Variants in ANKHD1 observed in about 807,000 individuals in gnomAD.
ANKHD1 encodes the protein ankyrin repeat and KH domain-containing protein 1.
In ANKHD1, 31 loss-of-function variants were observed where a neutral mutation model predicts 230.5. The ratio of observed to expected loss-of-function variants is 0.13; its 90% CI spans 0.10 to 0.18. The LOEUF (loss-of-function observed/expected upper bound fraction) is 0.18. ANKHD1 is among the 10% of genes least tolerant of loss of function. The probability of loss-of-function intolerance (pLI) is 1.00; values close to 1 mark genes in which losing one functional copy is unlikely to be tolerated. For missense variants in ANKHD1, 2,256 were observed against 3,071.3 expected, an observed-to-expected ratio of 0.73 and a Z score of 6.27; for synonymous variants, 1,074 against 1,117.6, an observed-to-expected ratio of 0.96 and a Z score of 0.78.
At chr5:140,419,579 C>G (rs1387699715) in intron 1 of ANKHD1, among the ~76,000 whole-genome samples, 1 of 151,086 alleles carries the variant, frequency 6.6e-6, no homozygotes, top group African/African-American at 2.4e-5. Flanking sequence ...CCAACCTCAG[C>G]TTCTGGAATA....
In ANKHD1 at chr5:140,537,527, C is replaced by G. The variant is rs370806841; in HGVS notation, c.7166C>G (p.Thr2389Ser). 2.5e-6 allele frequency: 4 copies of G among 1,612,798 alleles called. No homozygotes were observed. In the African/African-American group the frequency reaches 5.3e-5, roughly 22 times the overall value. The change falls in exon 31 of 34, where the codon ACC (threonine) becomes AGC (serine). Residue 2389 changes from threonine to serine, a missense_variant. By Grantham distance (58) the Thr-to-Ser change is moderately conservative (BLOSUM62 1). This residue lies in a region of ANKHD1 where 778 missense variants were observed against 966.5 expected (regional missense o/e 0.80). Transcript: ENST00000360839. ...GGSVAQAPAG[T>S]SFVAPVGHSG... ...TCTGTTGCACAAGCCCCGGCGGGGA[C>G]CAGTTTTGTCGCTCCCGTTGGACAC...
intron 1 of ANKHD1, among the ~76,000 whole-genome samples, chr5:140,422,514 A>G (rs1422587736): frequency 6.6e-6 from 1 of 152,016 alleles, no homozygotes; most frequent in Non-Finnish European, 1.5e-5. Flanking sequence ...AGATGAAAAA[A>G]TATGTTCCCT....
chr5:140,491,657 C>G (rs919000876), intron 14 of ANKHD1, among the ~76,000 whole-genome samples: 5 of 152,062 alleles, frequency 3.3e-5, no homozygotes, highest in Admixed American at 3.3e-4. Context: ...GACGAATATC[C>G]TGATTGCCTC....
chr5:140,520,929 TAAAA>T (rs370538341), intron 24 of ANKHD1, among the ~76,000 whole-genome samples: 2 of 112,848 alleles, frequency 1.8e-5, no homozygotes, highest in East Asian at 2.4e-4. Flanking sequence ...TAAAGTATAA[TAAAA>T]AAAAAAAAAA....
chr5:140,402,378 T>A, intron 1 of ANKHD1, 105 bp downstream of exon 1: 2 of 1,356,726 alleles, frequency 1.5e-6, no homozygotes, highest in Non-Finnish European at 1.9e-6. Context: ...GGAGCCCTTC[T>A]GTGACAGCGG....
Position 140,526,169 on chromosome 5 carries a change from A to G in ANKHD1, c.4666A>G (p.Thr1556Ala), listed in dbSNP as rs998051824. The G allele has an allele frequency of 1.2e-6, 2 of 1,613,772 alleles. No homozygotes were observed. The highest frequency in any genetic ancestry group is 1.7e-6 in the Non-Finnish European group (2 of 1,179,958). Residue 1556 changes from threonine (T) to alanine (A), a missense_variant, in exon 26 of 34, where the codon ACA becomes GCA. Thr to Ala is a moderately conservative substitution (Grantham distance 58). Around this residue, in one of 13 missense-constraint regions of ANKHD1, gnomAD observed 212 missense variants for 257.3 expected, o/e 0.82. Transcript: ENST00000360839. Reference protein sequence around the residue: ...KKNKTKETPPTAHLILPEQHM... With the variant: ...KKNKTKETPPAAHLILPEQHM... ...GAACAAAACAAAAGAAACCCCTCCT[A>G]CAGCACATTTAATTTTACCAGAACA...
intron 23 of ANKHD1, 60 bp downstream of exon 23, chr5:140,512,983 G>T: frequency 6.9e-7 from 1 of 1,456,020 alleles, no homozygotes. Context: ...ATGCCAAAGT[G>T]TGCAGTTAGG....
At chr5:140,534,343 G>A (rs1171481279) in intron 29 of ANKHD1, among the ~76,000 whole-genome samples, 2 of 151,218 alleles carry the variant, frequency 1.3e-5, no homozygotes, top group East Asian at 3.9e-4. Context: ...AGTGAGCTGA[G>A]ATCGTGCCAC....
In ANKHD1 at chr5:140,438,637, T is replaced by C; in HGVS notation, c.617+20T>C. On this transcript the variant is annotated intron_variant, in intron 3 of 33. Coordinates refer to ENST00000360839, the MANE Select transcript of ANKHD1 (RefSeq NM_017747.3). Reference sequence around the variant, plus strand: ...GGACACGTATGTGTTTAATGACTTTTGGATATTAGACATTTTCTTGAATAG... The same window carrying C: ...GGACACGTATGTGTTTAATGACTTTCGGATATTAGACATTTTCTTGAATAG... 6.5e-7 allele frequency: 1 copy of C among 1,539,080 alleles called. No homozygotes were observed. The highest frequency in any genetic ancestry group is 8.8e-7 in the Non-Finnish European group (1 of 1,137,144).
intron 1 of ANKHD1, among the ~76,000 whole-genome samples, chr5:140,435,754 C>CA (rs891862751): frequency 1.3e-5 from 2 of 151,946 alleles, no homozygotes; most frequent in Non-Finnish European, 1.5e-5. Flanking sequence ...AGGCTGGTGT[C>CA]AAACTCCTGA....
At chr5:140,440,070 C>A (rs369350676) in intron 3 of ANKHD1, 49 bp from the exon 4 acceptor site, 25 of 1,487,884 alleles carry the variant, frequency 1.7e-5, no homozygotes, top group African/African-American at 1.6e-4. Flanking sequence ...TATCATAGGA[C>A]CCCCGAGTCT....
At chr5:140,433,345 A>C (rs1773202856) in intron 1 of ANKHD1, among the ~76,000 whole-genome samples, 1 of 152,220 alleles carries the variant, frequency 6.6e-6, no homozygotes, top group African/African-American at 2.4e-5. Flanking sequence ...AATTACAGGC[A>C]TGAGCCACCA....
At chr5:140,425,907 A>G (rs1025792620) in intron 1 of ANKHD1, among the ~76,000 whole-genome samples, 1 of 152,112 alleles carries the variant, frequency 6.6e-6, no homozygotes, top group African/African-American at 2.4e-5. Context: ...ACACTGGCCC[A>G]TCCTTTTTGC....
intron 29 of ANKHD1, among the ~76,000 whole-genome samples, chr5:140,534,232 A>G (rs973577973): frequency 6.6e-6 from 1 of 152,140 alleles, no homozygotes; most frequent in African/African-American, 2.4e-5. Context: ...TTCTACTAAA[A>G]ATACAAAAAA....
chr5:140,450,207 A>G (rs1053337377), intron 7 of ANKHD1, among the ~76,000 whole-genome samples: 1 of 152,174 alleles, frequency 6.6e-6, no homozygotes. Flanking sequence ...ATCATTACAC[A>G]TGTTAATTTG....
chr5:140,415,731 C>A (rs527953005), intron 1 of ANKHD1, among the ~76,000 whole-genome samples: 1 of 151,776 alleles, frequency 6.6e-6, no homozygotes, highest in African/African-American at 2.4e-5. Flanking sequence ...AGCCACCGCA[C>A]CCAGCCGCCT....
At chr5:140,533,791 A>C (rs1024209960) in intron 29 of ANKHD1, among the ~76,000 whole-genome samples, 1 of 151,052 alleles carries the variant, frequency 6.6e-6, no homozygotes, top group East Asian at 1.9e-4. Context: ...AAAAAAAAAA[A>C]AAAAAAAACA....
chr5:140,436,235 A>G lies in ANKHD1; in HGVS notation c.438A>G (p.Leu146=), dbSNP rs530961579. The change falls in exon 2 of 34, where the codon CTA becomes CTG. Residue 146 remains leucine (L), a synonymous_variant. Transcript: ENST00000360839. The part of the protein sequence containing the change: ...RTVDPETQAR[L]EALLEAAGIG... ...TGGATCCAGAGACACAGGCACGACTAGAAGCATTGCTAGAAGCAGCAGGTA... is the reference window on the plus strand; with the variant it reads ...TGGATCCAGAGACACAGGCACGACTGGAAGCATTGCTAGAAGCAGCAGGTA... 14 of 1,581,360 alleles carry G rather than the reference A, an allele frequency of 8.9e-6. No homozygotes were observed. The highest frequency in any genetic ancestry group is 1.2e-5 in the Non-Finnish European group (14 of 1,167,036).
chr5:140,510,309 CTTTTTT>C (rs34693244), intron 22 of ANKHD1, 128 bp downstream of exon 22: 81 of 539,824 alleles, frequency 1.5e-4, no homozygotes, highest in Middle Eastern at 7.5e-4. Context: ...TCTTTCCATT[CTTTTTT>C]TTTTTTTTTT....
Sources: allele counts gnomAD v4.1 joint callset (sites outside exome capture counted in the v4.1 genomes callset), GRCh38; gene constraint gnomAD v4.1.1; regional missense constraint gnomAD v4.1.1; transcripts MANE v1.5; gene names NCBI Gene and HGNC (gene_info 2026-07-23, HGNC 2026-07-21).